GRIA2: variants seen among roughly 807,000 people sequenced by gnomAD.
GRIA2 encodes glutamate ionotropic receptor AMPA type subunit 2.
A neutral mutation model predicts 97.3 loss-of-function variants in GRIA2; 14 were observed. The ratio of observed to expected loss-of-function variants is 0.14; its 90% confidence interval spans 0.10 to 0.23. The LOEUF is 0.23. Ranked by LOEUF, GRIA2 falls within the 10% of genes least tolerant of loss-of-function variation. The pLI, the probability that GRIA2 is intolerant of heterozygous loss-of-function variation, is 1.00. For synonymous variants in GRIA2, 412 were observed against 387.8 expected (o/e 1.06, Z -0.73); for missense variants, 558 against 1,069.8 (o/e 0.52, Z 6.67).
At position 157,303,640 on chromosome 4, in the gene GRIA2, A is replaced by G; in HGVS notation, c.318A>G (p.Thr106=). 2 of 1,613,978 alleles carry G rather than the reference A, an allele frequency of 1.2e-6. No individual in the cohort carries two copies. Among genetic ancestry groups the G allele is most frequent in the South Asian group, 1.1e-5 (1 of 91,078 alleles). ...SVNTITSFCG[T]LHVSFITPSF... ...ATACCATCACATCATTTTGCGGAAC[A>G]CTCCACGTCTCCTTCATCACTCCCA... Residue 106 remains threonine (T), a synonymous_variant, in exon 3 of 16, where the codon ACA becomes ACG. Transcript: ENST00000264426.
intron 2 of GRIA2, among the ~76,000 whole-genome samples, chr4:157,269,135 A>G (rs1731902967): frequency 6.6e-6 from 1 of 151,946 alleles, no homozygotes; most frequent in Non-Finnish European, 1.5e-5. Context: ...TACTCTCCTC[A>G]CCCCTCCTTT....
rs1736747797 is a variant in GRIA2, at chr4:157,363,746, A to G, written c.*315A>G. The G allele has an allele frequency of 4.9e-6, 2 of 409,916 alleles. No individual in the cohort carries two copies. Among genetic ancestry groups the G allele is most frequent in the Non-Finnish European group, 8.5e-6 (2 of 236,620 alleles). 25.4% of individuals were successfully genotyped at this position (409,916 alleles called of 1,614,324 possible). On this transcript the variant is annotated 3_prime_UTR_variant, in exon 16 of 16. Coordinates refer to ENST00000264426, the MANE Select transcript of GRIA2 (RefSeq NM_001083619.3). ...AGTTCATCTTGAATTGTAAGGAATG[A>G]TTAATTAAAACACAACATCTTTTTC...
intron 2 of GRIA2, among the ~76,000 whole-genome samples, chr4:157,248,460 G>A (rs1236048838): frequency 1.3e-5 from 2 of 148,686 alleles, no homozygotes; most frequent in Non-Finnish European, 3.0e-5. Flanking sequence ...CCAACTACTC[G>A]GGAGGGTGAG....
At chr4:157,240,436 T>A (rs1730454467) in intron 2 of GRIA2, among the ~76,000 whole-genome samples, 1 of 152,128 alleles carries the variant, frequency 6.6e-6, no homozygotes, top group African/African-American at 2.4e-5. Context: ...TTTGTTTTTC[T>A]TGCACTGTGA....
At position 157,332,902 on chromosome 4, in the gene GRIA2, C is replaced by T; in HGVS notation, c.966C>T (p.Ser322=). ...RNLRKQRIEI[S]RRGNAGDCLA... ...TAAGGAAGCAAAGAATTGAAATCTC[C>T]CGAAGGGGGAATGCAGGAGACTGTC... The change falls in exon 7 of 16, where the codon TCC becomes TCT. Residue 322 remains serine, a synonymous_variant. Transcript: ENST00000264426. The T allele has an allele frequency of 6.2e-7, 1 of 1,612,558 alleles. No individual in the cohort carries two copies.
At chr4:157,233,135 CT>C (rs1489108672) in intron 2 of GRIA2, among the ~76,000 whole-genome samples, 2 of 152,162 alleles carry the variant, frequency 1.3e-5, no homozygotes, top group South Asian at 2.1e-4. Context: ...TCTTTTCCTA[CT>C]GTTTGTATAC....
intron 3 of GRIA2, among the ~76,000 whole-genome samples, chr4:157,310,973 T>C (rs1464144333): frequency 6.6e-6 from 1 of 152,074 alleles, no homozygotes; most frequent in South Asian, 2.1e-4. Flanking sequence ...ATATTATCAT[T>C]TGGAGACATA....
chr4:157,307,353 A>G (rs1733888216), intron 3 of GRIA2, among the ~76,000 whole-genome samples: 2 of 152,232 alleles, frequency 1.3e-5, no homozygotes, highest in African/African-American at 4.8e-5. Context: ...ATGCATGGAT[A>G]GAAACATCTT....
chr4:157,309,683 A>T (rs1440142825), intron 3 of GRIA2, among the ~76,000 whole-genome samples: 1 of 152,152 alleles, frequency 6.6e-6, no homozygotes, highest in Admixed American at 6.5e-5. Flanking sequence ...TGCAAGGTGA[A>T]CTGCCGGAAA....
At chr4:157,328,873 A>G (rs1734924140) in intron 6 of GRIA2, among the ~76,000 whole-genome samples, 1 of 152,030 alleles carries the variant, frequency 6.6e-6, no homozygotes, top group African/African-American at 2.4e-5. Context: ...GAGAATAATA[A>G]AAGATGTTAA....
At chr4:157,351,673 A>G (rs74736358) in intron 12 of GRIA2, among the ~76,000 whole-genome samples, 107 of 152,246 alleles carry the variant, frequency 7.0e-4, no homozygotes, top group African/African-American at 2.4e-3. Flanking sequence ...CCCATGTGTC[A>G]AGGAAGAGAC....
intron 11 of GRIA2, among the ~76,000 whole-genome samples, chr4:157,339,587 G>A (rs923743369): frequency 3.3e-5 from 5 of 151,856 alleles, no homozygotes; most frequent in South Asian, 4.1e-4. Context: ...GACTGGAATA[G>A]AGGACAACTT....
At chr4:157,254,987 T>C (rs1218639596) in intron 2 of GRIA2, among the ~76,000 whole-genome samples, 1 of 152,030 alleles carries the variant, frequency 6.6e-6, no homozygotes, top group Non-Finnish European at 1.5e-5. Flanking sequence ...ATGGATATAT[T>C]AGGTAGTGTT....
At chr4:157,228,338 G>C (rs1427130259) in intron 2 of GRIA2, among the ~76,000 whole-genome samples, 1 of 152,094 alleles carries the variant, frequency 6.6e-6, no homozygotes, top group Non-Finnish European at 1.5e-5. Flanking sequence ...TTAGACAGAG[G>C]TGTATTATAT....
At position 157,360,432 on chromosome 4, in the gene GRIA2, CTTTG is replaced by C. The variant is rs527966436; in HGVS notation, c.2291+294_2291+297del. The stretch of plus-strand genomic sequence containing the variant: ...AGGAATACATGTTTGTTTAGCTTTA[CTTTG>C]TTTGAGTTTTTTTTTCCACATTTCT... On this transcript the variant is annotated intron_variant, in intron 13 of 15. Transcript: ENST00000264426. 7.9e-5 allele frequency among the ~76,000 whole-genome samples: 12 copies of C among 151,336 alleles called. No homozygotes were observed. In the East Asian group the frequency reaches 1.8e-3, roughly 22 times the overall value.
chr4:157,352,736 A>AAC (rs1410071022), intron 12 of GRIA2, among the ~76,000 whole-genome samples: 1 of 150,352 alleles, frequency 6.7e-6, no homozygotes, highest in African/African-American at 2.4e-5. Flanking sequence ...AAAAAAAAAA[A>AAC]AACACACACA....
chr4:157,282,853 C>T (rs1481843884), intron 2 of GRIA2, among the ~76,000 whole-genome samples: 1 of 152,038 alleles, frequency 6.6e-6, no homozygotes, highest in African/African-American at 2.4e-5. Flanking sequence ...TATGAGCCGA[C>T]ATCCAAAAGA....
intron 9 of GRIA2, 77 bp from the exon 10 acceptor site, chr4:157,335,594 C>A: frequency 1.2e-6 from 1 of 865,396 alleles, no homozygotes; most frequent in Non-Finnish European, 1.9e-6. Context: ...AATAATTAAA[C>A]CAGAAGATTT....
chr4:157,285,186 T>C (rs1732782097), intron 2 of GRIA2, among the ~76,000 whole-genome samples: 1 of 151,582 alleles, frequency 6.6e-6, no homozygotes, highest in Admixed American at 6.6e-5. Flanking sequence ...ATCTTCTAAT[T>C]TTTCAATTAA....
Sources: allele counts gnomAD v4.1 joint callset (sites outside exome capture counted in the v4.1 genomes callset), GRCh38; gene constraint gnomAD v4.1.1; transcripts MANE v1.5; gene names NCBI Gene and HGNC (gene_info 2026-07-23, HGNC 2026-07-21).